The following CSMD1 variants were observed in gnomAD, a reference collection of about 807,000 sequenced individuals.
CSMD1 encodes CUB and sushi domain-containing protein 1.
A neutral mutation model predicts 417.5 loss-of-function variants in CSMD1; 213 were observed. That is an observed-to-expected ratio of 0.51 (90% CI 0.46 to 0.57). The LOEUF is 0.57. Ranked by LOEUF, CSMD1 falls within the 20% of genes least tolerant of loss-of-function variation. The pLI, the probability that CSMD1 is intolerant of heterozygous loss-of-function variation, is 0.00. For synonymous variants in CSMD1, 2,862 were observed against 1,736.8 expected, an observed-to-expected ratio of 1.65 and a Z score of -16.11; for missense variants, 6,923 against 4,529.7, an observed-to-expected ratio of 1.53 and a Z score of -15.17.
intron 7 of CSMD1, among the ~76,000 whole-genome samples, chr8:3,658,653 C>A (rs535699521): frequency 3.2e-4 from 48 of 151,754 alleles, no homozygotes; most frequent in African/African-American, 1.1e-3. Context: ...CGTGGTGGTG[C>A]GTGCCTGTAA....
chr8:4,946,729 G>A (rs1330429304), intron 1 of CSMD1, among the ~76,000 whole-genome samples: 1 of 152,176 alleles, frequency 6.6e-6, no homozygotes, highest in Non-Finnish European at 1.5e-5. Flanking sequence ...TGTAGTTGGT[G>A]TACAGTTCAG....
intron 1 of CSMD1, among the ~76,000 whole-genome samples, chr8:4,992,709 G>C (rs1158010053): frequency 6.6e-6 from 1 of 152,168 alleles, no homozygotes; most frequent in East Asian, 1.9e-4. Flanking sequence ...GCTGCCAGTC[G>C]GGCCCTGCTC....
chr8:4,903,622 T>C (rs1187692723), intron 1 of CSMD1, among the ~76,000 whole-genome samples: 1 of 152,230 alleles, frequency 6.6e-6, no homozygotes, highest in Non-Finnish European at 1.5e-5. Flanking sequence ...CATTATGAAG[T>C]AAACTTGGAT....
At chr8:3,987,642 C>G (rs1273443785) in intron 5 of CSMD1, among the ~76,000 whole-genome samples, 1 of 152,104 alleles carries the variant, frequency 6.6e-6, no homozygotes, top group Non-Finnish European at 1.5e-5. Context: ...TAGGGCTTTG[C>G]TGATAAAGCA....
intron 5 of CSMD1, among the ~76,000 whole-genome samples, chr8:3,764,918 G>A (rs764532933): frequency 7.9e-5 from 12 of 151,746 alleles, no homozygotes; most frequent in South Asian, 2.1e-4. Flanking sequence ...GCTCATTTTC[G>A]TATTTTTAGT....
At chr8:3,800,011 A>G (rs2062074) in intron 5 of CSMD1, among the ~76,000 whole-genome samples, 3,002 of 152,306 alleles carry the variant, frequency 0.02, 106 homozygotes, top group African/African-American at 0.067. Context: ...GTAACCTTGT[A>G]AAATCACTTG....
intron 2 of CSMD1, among the ~76,000 whole-genome samples, chr8:4,510,417 A>AAAAAAAAAAAAAAAG (rs1802757327): frequency 9.1e-6 from 1 of 110,086 alleles, no homozygotes; most frequent in African/African-American, 3.2e-5. Context: ...AAAAAAAAAA[A>AAAAAAAAAAAAAAAG]AAAAAGCAAA....
At chr8:3,467,119 A>G (rs1816831637) in intron 12 of CSMD1, among the ~76,000 whole-genome samples, 1 of 152,198 alleles carries the variant, frequency 6.6e-6, no homozygotes, top group Non-Finnish European at 1.5e-5. Flanking sequence ...AAATGTAATT[A>G]TAATTAATGT....
intron 52 of CSMD1, among the ~76,000 whole-genome samples, chr8:3,011,302 C>T (rs904610684): frequency 6.6e-6 from 1 of 152,104 alleles, no homozygotes; most frequent in Non-Finnish European, 1.5e-5. Flanking sequence ...ACATATTTTA[C>T]ACTTAAGACG....
chr8:3,613,209 T>G (rs1801974417), intron 8 of CSMD1: 1 of 301,884 alleles, frequency 3.3e-6, no homozygotes, highest in African/African-American at 2.3e-5. Flanking sequence ...CAAAGCTCAC[T>G]GAAGTAGAAG....
At chr8:4,457,993 G>A (rs948664236) in intron 2 of CSMD1, among the ~76,000 whole-genome samples, 1 of 152,168 alleles carries the variant, frequency 6.6e-6, no homozygotes, top group Non-Finnish European at 1.5e-5. Context: ...CACTTCCCCT[G>A]AGAGGTAGTG....
At chr8:3,611,037 A>G (rs954073573) in intron 8 of CSMD1, among the ~76,000 whole-genome samples, 1 of 135,474 alleles carries the variant, frequency 7.4e-6, no homozygotes, top group African/African-American at 2.8e-5. Context: ...AACAATGAGA[A>G]CACATGGACA....
intron 3 of CSMD1, among the ~76,000 whole-genome samples, chr8:4,314,925 C>A (rs1315678728): frequency 6.6e-6 from 1 of 152,122 alleles, no homozygotes; most frequent in African/African-American, 2.4e-5. Context: ...AGAGATTATA[C>A]CACAGGAAAA....
At chr8:4,978,315 G>C (rs1810683202) in intron 1 of CSMD1, among the ~76,000 whole-genome samples, 1 of 152,098 alleles carries the variant, frequency 6.6e-6, no homozygotes, top group Non-Finnish European at 1.5e-5. Context: ...TCTAATTTGA[G>C]TCAGGACACT....
chr8:4,456,975 G>GC (rs1563196115), intron 2 of CSMD1, among the ~76,000 whole-genome samples: 1 of 50,358 alleles, frequency 2.0e-5, no homozygotes, highest in African/African-American at 5.2e-5. Context: ...TGATGAGTGT[G>GC]GTTTTTTTTT....
intron 53 of CSMD1, 147 bp from the exon 54 acceptor site, chr8:2,998,331 T>C: frequency 1.4e-6 from 1 of 701,706 alleles, no homozygotes; most frequent in South Asian, 2.0e-5. Flanking sequence ...GGTATTTATA[T>C]TCAGAAGGGA....
At chr8:4,205,051 T>G (rs1391869704) in intron 3 of CSMD1, among the ~76,000 whole-genome samples, 1 of 152,202 alleles carries the variant, frequency 6.6e-6, no homozygotes, top group African/African-American at 2.4e-5. Context: ...CTCTATTTTT[T>G]TCATAACAAT....
At chr8:3,910,327 T>G (rs1415461337) in intron 5 of CSMD1, among the ~76,000 whole-genome samples, 1 of 152,152 alleles carries the variant, frequency 6.6e-6, no homozygotes, top group African/African-American at 2.4e-5. Flanking sequence ...GCCTGTGTCC[T>G]GCAAACTGAC....
chr8:3,958,523 TG>T (rs1484882593), intron 5 of CSMD1, among the ~76,000 whole-genome samples: 13 of 152,220 alleles, frequency 8.5e-5, no homozygotes, highest in African/African-American at 3.1e-4. Context: ...TGCATTCTTC[TG>T]GGTTTAGTTC....
Sources: gnomAD v4.1 joint callset for allele counts (sites outside exome capture counted in the v4.1 genomes callset) on GRCh38, gnomAD v4.1.1 for gene constraint, MANE v1.5 for transcripts, NCBI Gene and HGNC (gene_info 2026-07-23, HGNC 2026-07-21) for gene names.